Variants in EIF4H observed in about 807,000 individuals in gnomAD.
EIF4H encodes Williams-Beuren syndrome chromosome region 1.
In EIF4H, 8 loss-of-function variants were observed where a neutral mutation model predicts 30.6. The ratio of observed to expected loss-of-function variants is 0.26; its 90% confidence interval spans 0.15 to 0.47. EIF4H has a LOEUF of 0.47. EIF4H is among the 20% of genes least tolerant of loss of function. The pLI, the probability that EIF4H is intolerant of heterozygous loss-of-function variation, is 0.99. For missense variants in EIF4H, 188 were observed against 339.5 expected (o/e 0.55, Z 3.51); for synonymous variants, 106 against 122.7 (o/e 0.86, Z 0.90).
rs141375582 is a variant in EIF4H at position 74,175,084 on chromosome 7, G to C, written c.59+642G>C. 2.0e-3 allele frequency among the ~76,000 whole-genome samples: 307 copies of C among 152,354 alleles called. 5 individuals are homozygous for C. In the East Asian group the frequency reaches 0.038, roughly 19 times the overall value. On this transcript the variant is annotated intron_variant, in intron 1 of 6. Transcript: ENST00000265753. Reference sequence around the variant, plus strand: ...TTTCTTGGGTCACAGTGCCTTGACAGGTGCTACGTGCTCTTTGGCACAATT... The same window carrying C: ...TTTCTTGGGTCACAGTGCCTTGACACGTGCTACGTGCTCTTTGGCACAATT...
At chr7:74,189,777 T>C (rs782557504) in intron 3 of EIF4H, 40 bp downstream of exon 3, 1 of 1,614,134 alleles carries the variant, frequency 6.2e-7, no homozygotes, top group South Asian at 1.1e-5. Context: ...GCAGTTGAGA[T>C]TGTTTTCTTT....
At chr7:74,176,929 G>A (rs1404543398) in intron 1 of EIF4H, among the ~76,000 whole-genome samples, 2 of 152,326 alleles carry the variant, frequency 1.3e-5, no homozygotes, top group African/African-American at 2.4e-5. Context: ...TGGCAGTAAA[G>A]TGCAGAGTAA....
chr7:74,177,673 T>G (rs549329625), intron 1 of EIF4H, among the ~76,000 whole-genome samples: 1 of 152,368 alleles, frequency 6.6e-6, no homozygotes, highest in South Asian at 2.1e-4. Flanking sequence ...AAATGCTGTT[T>G]ACATGTCAAA....
chr7:74,186,994 C>T (rs913921136), intron 1 of EIF4H, among the ~76,000 whole-genome samples: 1 of 151,908 alleles, frequency 6.6e-6, no homozygotes. Context: ...CTTCTGAATA[C>T]AACATTACTT....
At position 74,186,788 on chromosome 7, in the gene EIF4H, ATTTTTTTT is replaced by A. The variant is rs564794579; in HGVS notation, c.60-778_60-771del. On this transcript the variant is annotated intron_variant, in intron 1 of 6. Coordinates refer to ENST00000265753, the MANE Select transcript of EIF4H (RefSeq NM_022170.2). ...GCCCATAATCAGGCAACAAGGAGAA[ATTTTTTTT>A]TTTTTTTTTTTTTTTTTTTTTTTTT... Among the ~76,000 whole-genome samples the A allele has an allele frequency of 1.7e-4, 12 of 70,122 alleles. 3 individuals carry two copies. The highest frequency in any genetic ancestry group is 9.0e-4 in the East Asian group (2 of 2,224). The allele number at this position is 70,122 out of a possible 152,430, so 46.0% of individuals were successfully genotyped here. A position where few individuals can be genotyped will look rare whatever the true frequency, so the allele number is the denominator to read the frequency against.
At position 74,188,462 on chromosome 7, in the gene EIF4H, A is replaced by G. The variant is rs1370415695; in HGVS notation, c.247+664A>G. Among the ~76,000 whole-genome samples, 5 of 152,140 alleles carry G rather than the reference A, an allele frequency of 3.3e-5. No individual in the cohort carries two copies. The East Asian group carries it at 9.6e-4, about 29-fold the overall frequency. On this transcript the variant is annotated intron_variant, in intron 2 of 6. Transcript: ENST00000265753. ...TGGCCCGCATAATCCACCCAAAAGC[A>G]CATCTGTGACAAGTATGGGGTAACT...
chr7:74,195,227 C>T lies in EIF4H; in HGVS notation c.666C>T (p.Leu222=). 3 of 1,614,008 alleles carry T rather than the reference C, an allele frequency of 1.9e-6. No individual in the cohort carries two copies. Among genetic ancestry groups the T allele is most frequent in the Non-Finnish European group, 2.5e-6 (3 of 1,179,880 alleles). The change falls in exon 7 of 7, where the codon CTC becomes CTT. Residue 222 remains leucine (L), a synonymous_variant. Transcript: ENST00000265753. ...QLKPRTVATP[L]NQVANPNSAI... is the part of the protein sequence containing the mutation. ...AACCTCGAACAGTCGCGACGCCCCT[C>T]AATCAAGTAGCCAATCCCAACTCTG...
intron 2 of EIF4H, among the ~76,000 whole-genome samples, chr7:74,188,569 T>C (rs1359544561): frequency 2.0e-5 from 3 of 152,196 alleles, no homozygotes; most frequent in Admixed American, 6.5e-5. Context: ...CTTACTCTTT[T>C]TGACTTCAGA....
rs111695809 is a variant in EIF4H at position 74,194,944 on chromosome 7, C to G, written c.607+66C>G. ...GGGATGATCATGGCCGGTTCACACCCCGTGGGGACTTGGCGTTCTACGGCA... is the reference window on the plus strand; with the variant it reads ...GGGATGATCATGGCCGGTTCACACCGCGTGGGGACTTGGCGTTCTACGGCA... On this transcript the variant is annotated intron_variant, in intron 6 of 6. Coordinates refer to ENST00000265753, the MANE Select transcript of EIF4H (RefSeq NM_022170.2). 6,684 of 1,538,916 alleles carry G rather than the reference C, an allele frequency of 4.3e-3. 228 individuals are homozygous for G. The African/African-American group carries it at 0.076, about 18-fold the overall frequency.
At chr7:74,183,285 C>T (rs185916478) in intron 1 of EIF4H, among the ~76,000 whole-genome samples, 6 of 152,296 alleles carry the variant, frequency 3.9e-5, no homozygotes, top group Admixed American at 3.9e-4. Context: ...GAGTTTGCAG[C>T]ACAGACCTTG....
chr7:74,189,888 G>C lies in EIF4H; in HGVS notation c.379G>C (p.Gly127Arg). The C allele has an allele frequency of 6.2e-7, 1 of 1,614,190 alleles. No homozygotes were observed. Among genetic ancestry groups the C allele is most frequent in the African/African-American group, 1.3e-5 (1 of 75,054 alleles). ...CAGAAAACAAGATAAAGGTGGCTTT[G>C]GATTCAGAAAAGGTGGACCAGATGA... ...EGRKQDKGGF[G>R]FRKGGPDDRG... Residue 127 changes from glycine (G) to arginine (R), a missense_variant, in exon 4 of 7, where the codon GGA becomes CGA. Gly to Arg is a moderately radical substitution (Grantham distance 125). This residue lies in a region of EIF4H where 52 missense variants were observed against 143.9 expected (regional missense o/e 0.36). Transcript: ENST00000265753.
In EIF4H at chr7:74,187,836, G is replaced by A. The variant is rs782264340; in HGVS notation, c.247+38G>A. 4.8e-6 allele frequency: 7 copies of A among 1,469,828 alleles called. No individual in the cohort carries two copies. The African/African-American group carries it at 7.1e-5, about 15-fold the overall frequency. The allele number at this position is 1,469,828 out of a possible 1,614,324, so 91.0% of individuals were successfully genotyped here. ...GATTCTTATTGTATATTACTGTAAA[G>A]TGTAGGGGAGGATGGGAAGGGGTTC... is the stretch of plus-strand genomic sequence containing the variant. On this transcript the variant is annotated intron_variant, in intron 2 of 6. Coordinates refer to ENST00000265753, the MANE Select transcript of EIF4H (RefSeq NM_022170.2).
At chr7:74,187,984 G>C (rs1299038170) in intron 2 of EIF4H, among the ~76,000 whole-genome samples, 186 bp downstream of exon 2, 2 of 152,212 alleles carry the variant, frequency 1.3e-5, no homozygotes, top group Non-Finnish European at 2.9e-5. Context: ...TCACTTAGGG[G>C]AAAATGTTTT....
At chr7:74,182,660 A>G (rs1176648353) in intron 1 of EIF4H, among the ~76,000 whole-genome samples, 2 of 152,196 alleles carry the variant, frequency 1.3e-5, no homozygotes, top group African/African-American at 4.8e-5. Context: ...CACAGTCCCA[A>G]AGTGCTGGGA....
chr7:74,176,463 A>G (rs1480024649), intron 1 of EIF4H, among the ~76,000 whole-genome samples: 1 of 152,208 alleles, frequency 6.6e-6, no homozygotes, highest in African/African-American at 2.4e-5. Flanking sequence ...CTTAAGCATC[A>G]TAGAAGATTG....
intron 5 of EIF4H, among the ~76,000 whole-genome samples, chr7:74,191,981 A>G (rs1293390791): frequency 1.3e-5 from 2 of 151,662 alleles, no homozygotes; most frequent in Non-Finnish European, 2.9e-5. Flanking sequence ...GGGTTTCATC[A>G]TGTTAGCCAG....
intron 4 of EIF4H, 144 bp from the exon 5 acceptor site, chr7:74,190,102 GT>G: frequency 9.2e-7 from 1 of 1,090,606 alleles, no homozygotes; most frequent in Non-Finnish European, 1.3e-6. Flanking sequence ...GGCGTTTTTT[GT>G]TTTCTGTTGG....
chr7:74,195,786 C>G lies in EIF4H; in HGVS notation c.*478C>G, dbSNP rs1426897041. On this transcript the variant is annotated 3_prime_UTR_variant, in exon 7 of 7. Coordinates refer to ENST00000265753, the MANE Select transcript of EIF4H (RefSeq NM_022170.2). ...TATTGCTGGGGCTTCCAACAAAAAC[C>G]AGAGTCACTGACAGAGGGAACAGCA... is the stretch of plus-strand genomic sequence containing the variant. The G allele has an allele frequency of 1.3e-5, 2 of 155,450 alleles. No homozygotes were observed. The highest frequency in any genetic ancestry group is 2.9e-5 in the Non-Finnish European group (2 of 68,722). 9.6% of individuals were successfully genotyped at this position (155,450 alleles called of 1,614,324 possible).
chr7:74,190,335 A>T (rs781930395), intron 5 of EIF4H, 29 bp downstream of exon 5: 1 of 1,609,470 alleles, frequency 6.2e-7, no homozygotes, highest in Non-Finnish European at 8.5e-7. Flanking sequence ...TCACCACTTA[A>T]TTTTTCCTAG....
Sources: allele counts gnomAD v4.1 joint callset (sites outside exome capture counted in the v4.1 genomes callset), GRCh38; gene constraint gnomAD v4.1.1; regional missense constraint gnomAD v4.1.1; transcripts MANE v1.5; gene names NCBI Gene and HGNC (gene_info 2026-07-23, HGNC 2026-07-21).